VWDE: variants seen among roughly 807,000 people sequenced by gnomAD.
VWDE encodes von Willebrand factor D and EGF domains.
In VWDE, 207 loss-of-function variants were observed where a neutral mutation model predicts 178.4. That is an observed-to-expected ratio of 1.16 (90% CI 1.04 to 1.30). The LOEUF is 1.30. VWDE is among the 50% of genes most tolerant of loss of function. The probability of loss-of-function intolerance (pLI) is 0.00; values close to 1 mark genes in which losing one functional copy is unlikely to be tolerated. For missense variants in VWDE, 2,287 were observed against 1,901.3 expected, an observed-to-expected ratio of 1.20 and a Z score of -3.77; for synonymous variants, 738 against 651.4, an observed-to-expected ratio of 1.13 and a Z score of -2.02.
intron 4 of VWDE, among the ~76,000 whole-genome samples, chr7:12,381,063 G>C (rs1286341899): frequency 1.3e-5 from 2 of 152,062 alleles, no homozygotes; most frequent in African/African-American, 2.4e-5. Context: ...ACAAAATTAA[G>C]GTTTAGTACA....
chr7:12,332,362 T>A (rs1179057548), intron 28 of VWDE, among the ~76,000 whole-genome samples: 1 of 152,108 alleles, frequency 6.6e-6, no homozygotes, highest in East Asian at 1.9e-4. Flanking sequence ...TGATTTTAAA[T>A]GCATTCTTAG....
intron 18 of VWDE, chr7:12,354,596 A>T (rs1208519981): frequency 8.8e-6 from 2 of 227,434 alleles, no homozygotes; most frequent in Non-Finnish European, 1.8e-5. Context: ...TTCTAACCCC[A>T]AAAGAGCTGC....
chr7:12,380,662 T>C lies in VWDE; in HGVS notation c.613A>G (p.Arg205Gly). The change falls in exon 5 of 29, where the codon AGG becomes GGG. Residue 205 changes from arginine to glycine, a missense_variant. Transcript: ENST00000275358. ...PEVLVELIES[R>G]LFCRCSFDVP... ...TCAAAAGAACACCTACAGAAAAGCC[T>C]GGACTCAATCAACTCCACCAGAACC... 1 of 1,552,106 alleles carries C rather than the reference T, an allele frequency of 6.4e-7. No homozygotes were observed. The highest frequency in any genetic ancestry group is 8.7e-7 in the Non-Finnish European group (1 of 1,147,094).
At chr7:12,352,068 C>T (rs534258801) in intron 18 of VWDE, among the ~76,000 whole-genome samples, 14 of 152,286 alleles carry the variant, frequency 9.2e-5, no homozygotes, top group African/African-American at 3.4e-4. Context: ...CTGGTGAGAA[C>T]ATAGCCAGTC....
At chr7:12,389,458 C>A in intron 2 of VWDE, 100 bp from the exon 3 acceptor site, 1 of 823,050 alleles carries the variant, frequency 1.2e-6, no homozygotes, top group South Asian at 1.9e-5. Context: ...CTTAAAATAT[C>A]ATTAATCATT....
chr7:12,350,850 G>A (rs1174758426), intron 19 of VWDE, among the ~76,000 whole-genome samples: 2 of 152,112 alleles, frequency 1.3e-5, no homozygotes, highest in African/African-American at 4.8e-5. Context: ...CACATTATAA[G>A]TATAAATTAA....
At chr7:12,383,324 A>T (rs1783945003) in intron 4 of VWDE, among the ~76,000 whole-genome samples, 1 of 152,106 alleles carries the variant, frequency 6.6e-6, no homozygotes, top group Non-Finnish European at 1.5e-5. Flanking sequence ...TTCTACTAAT[A>T]CACACACGTT....
chr7:12,342,168 A>G lies in VWDE; in HGVS notation c.4175-14T>C, dbSNP rs546447345. Reference sequence around the variant, plus strand: ...TGTTACAAACCACTGAGATCATAGAATAAAGAGAAAAGAAAGATTAGGCTT... The same window carrying G: ...TGTTACAAACCACTGAGATCATAGAGTAAAGAGAAAAGAAAGATTAGGCTT... On this transcript the variant is annotated splice_polypyrimidine_tract_variant and intron_variant, in intron 22 of 28. Coordinates refer to ENST00000275358, the MANE Select transcript of VWDE (RefSeq NM_001135924.3). 2.9e-5 allele frequency: 45 copies of G among 1,548,776 alleles called. No homozygotes were observed. Among genetic ancestry groups the G allele is most frequent in the Non-Finnish European group, 3.8e-5 (44 of 1,144,624 alleles).
chr7:12,341,304 G>A (rs994443191), intron 23 of VWDE, among the ~76,000 whole-genome samples: 1 of 152,096 alleles, frequency 6.6e-6, no homozygotes, highest in Non-Finnish European at 1.5e-5. Flanking sequence ...TAATGAATTA[G>A]ATCAAACATA....
chr7:12,369,567 G>A lies in VWDE; in HGVS notation c.2739C>T (p.Ser913=). The A allele has an allele frequency of 6.5e-7, 1 of 1,538,586 alleles. No individual in the cohort carries two copies. The highest frequency in any genetic ancestry group is 8.8e-7 in the Non-Finnish European group (1 of 1,136,972). Residue 913 remains serine (S), a synonymous_variant, in exon 12 of 29, where the codon TCC becomes TCT. Coordinates refer to ENST00000275358, the MANE Select transcript of VWDE (RefSeq NM_001135924.3). ...WGCACSPSFS[S]YDCSDSYDKA... is the part of the protein sequence containing the mutation. ...TACCATAGGAATCACTGCAGTCATA[G>A]GAACTAAAGCTTGGGGAACACGCAC...
At chr7:12,356,357 C>G (rs1210701938) in intron 17 of VWDE, 27 bp from the exon 18 acceptor site, 1 of 1,528,430 alleles carries the variant, frequency 6.5e-7, no homozygotes, top group African/African-American at 1.4e-5. Flanking sequence ...AAGGAAATGT[C>G]TTATTTTTCA....
At chr7:12,396,935 C>T (rs1409132686) in intron 1 of VWDE, among the ~76,000 whole-genome samples, 1 of 151,480 alleles carries the variant, frequency 6.6e-6, no homozygotes. Context: ...AACTCTGTCT[C>T]AAAAATAAAA....
At chr7:12,333,862 CT>C (rs538768322) in intron 27 of VWDE, 23 of 219,646 alleles carry the variant, frequency 1.0e-4, no homozygotes, top group South Asian at 3.2e-4. Context: ...AAATATATCT[CT>C]TTTTTTTTCT....
intron 3 of VWDE, among the ~76,000 whole-genome samples, chr7:12,385,681 G>A (rs1319865828): frequency 6.6e-6 from 1 of 152,174 alleles, no homozygotes; most frequent in Non-Finnish European, 1.5e-5. Flanking sequence ...TTAAGTGACT[G>A]TCATTTTTGT....
At chr7:12,332,475 T>A (rs966048567) in intron 28 of VWDE, among the ~76,000 whole-genome samples, 68 of 152,190 alleles carry the variant, frequency 4.5e-4, no homozygotes, top group African/African-American at 1.5e-3. Flanking sequence ...AGCCACCTAG[T>A]TTAGTACTGT....
chr7:12,383,648 T>A, intron 3 of VWDE, 47 bp from the exon 4 acceptor site: 1 of 1,447,678 alleles, frequency 6.9e-7, no homozygotes, highest in Non-Finnish European at 9.5e-7. Flanking sequence ...GGCATGAAGA[T>A]ATACATCTAC....
At chr7:12,336,944 C>A (rs1399694427) in intron 26 of VWDE, 44 bp downstream of exon 26, 1 of 1,490,180 alleles carries the variant, frequency 6.7e-7, no homozygotes, top group African/African-American at 1.4e-5. Flanking sequence ...TTTACATTCC[C>A]ATGAAGGACG....
intron 6 of VWDE, among the ~76,000 whole-genome samples, chr7:12,378,696 C>G (rs1783673421): frequency 6.6e-6 from 1 of 152,136 alleles, no homozygotes; most frequent in Non-Finnish European, 1.5e-5. Flanking sequence ...CCTCTGCTTC[C>G]CCTCACGCTG....
chr7:12,348,105 T>G (rs1274164555), intron 19 of VWDE, among the ~76,000 whole-genome samples: 2 of 151,870 alleles, frequency 1.3e-5, no homozygotes, highest in Admixed American at 6.6e-5. Flanking sequence ...ACGTTAGACC[T>G]AAAACCATAA....
Sources: gnomAD v4.1 joint callset for allele counts (sites outside exome capture counted in the v4.1 genomes callset) on GRCh38, gnomAD v4.1.1 for gene constraint, MANE v1.5 for transcripts, NCBI Gene and HGNC (gene_info 2026-07-23, HGNC 2026-07-21) for gene names.